Variants in LGR5 observed in about 807,000 individuals in gnomAD.
LGR5 encodes leucine rich repeat containing G protein-coupled receptor 5.
A neutral mutation model predicts 76.7 loss-of-function variants in LGR5; 54 were observed. The ratio of observed to expected loss-of-function variants is 0.70; its 90% CI spans 0.57 to 0.88. LGR5 has a LOEUF of 0.88. Among genes scored for constraint, LGR5 ranks in the 40% least tolerant of loss-of-function variants. The probability of loss-of-function intolerance (pLI) is 0.00; values close to 1 mark genes in which losing one functional copy is unlikely to be tolerated. For missense variants in LGR5, 1,078 were observed against 1,073.3 expected (o/e 1.00, Z -0.06); for synonymous variants, 406 against 421.9 (o/e 0.96, Z 0.46).
intron 1 of LGR5, among the ~76,000 whole-genome samples, chr12:71,490,882 A>G (rs1874038936): frequency 6.6e-6 from 1 of 152,198 alleles, no homozygotes; most frequent in Non-Finnish European, 1.5e-5. Context: ...TTCCCATAGC[A>G]AAGACTTTGA....
At chr12:71,576,846 G>A (rs947739731) in intron 13 of LGR5, among the ~76,000 whole-genome samples, 28 of 152,092 alleles carry the variant, frequency 1.8e-4, no homozygotes, top group East Asian at 5.8e-4. Flanking sequence ...TCAGTGACAC[G>A]TATTTCTTGA....
rs553901693 is a variant in LGR5, at chr12:71,463,777, T to C, written c.212+23485T>C. Among the ~76,000 whole-genome samples the C allele has an allele frequency of 3.0e-4, 46 of 152,218 alleles. No individual in the cohort carries two copies. The South Asian group carries it at 3.3e-3, about 11-fold the overall frequency. On this transcript the variant is annotated intron_variant, in intron 1 of 17. Coordinates refer to ENST00000266674, the MANE Select transcript of LGR5 (RefSeq NM_003667.4). ...AAACAGCTCTCTTGCCTTTATTATT[T>C]ATCTACAGGTTATTGGCATATATTT...
chr12:71,448,617 T>C (rs764919086), intron 1 of LGR5: 8 of 151,654 alleles, frequency 5.3e-5, no homozygotes, highest in Non-Finnish European at 8.8e-5. Context: ...GGTCTTTAAA[T>C]CTATCCGCAC....
At chr12:71,456,915 G>A (rs960546324) in intron 1 of LGR5, among the ~76,000 whole-genome samples, 30 of 152,056 alleles carry the variant, frequency 2.0e-4, no homozygotes, top group Admixed American at 1.2e-3. Context: ...CTTGGGTAAC[G>A]TAACTCCCTC....
At chr12:71,548,261 T>A (rs1302175877) in intron 4 of LGR5, among the ~76,000 whole-genome samples, 1 of 151,458 alleles carries the variant, frequency 6.6e-6, no homozygotes, top group Non-Finnish European at 1.5e-5. Flanking sequence ...GATATTATAA[T>A]CAGTGGTGTA....
At chr12:71,579,803 T>A (rs1420114337) in intron 15 of LGR5, among the ~76,000 whole-genome samples, 3 of 152,216 alleles carry the variant, frequency 2.0e-5, no homozygotes, top group Non-Finnish European at 4.4e-5. Flanking sequence ...TCCCAGTCTC[T>A]ATTAAGCATC....
intron 4 of LGR5, among the ~76,000 whole-genome samples, chr12:71,548,961 T>C (rs762747485): frequency 5.9e-5 from 9 of 152,254 alleles, no homozygotes; most frequent in Non-Finnish European, 1.3e-4. Flanking sequence ...AACCATATTT[T>C]ATATGTGTAT....
At chr12:71,525,543 A>T (rs1034084847) in intron 3 of LGR5, among the ~76,000 whole-genome samples, 13 of 152,008 alleles carry the variant, frequency 8.6e-5, no homozygotes, top group Admixed American at 7.9e-4. Flanking sequence ...CCCCAAAAAA[A>T]TTTGGAACCA....
chr12:71,452,604 A>G (rs11178804), intron 1 of LGR5, among the ~76,000 whole-genome samples: 9,139 of 152,276 alleles, frequency 0.06, 944 homozygotes, highest in African/African-American at 0.21. Context: ...CCAAGACAGA[A>G]GGAAAAAAAT....
chr12:71,537,347 C>CAG (rs1876647507), intron 4 of LGR5, among the ~76,000 whole-genome samples: 1 of 152,004 alleles, frequency 6.6e-6, no homozygotes, highest in African/African-American at 2.4e-5. Context: ...CATGTGCCCG[C>CAG]AGTCCCAGCT....
chr12:71,538,143 G>T (rs966811993), intron 4 of LGR5, among the ~76,000 whole-genome samples: 14 of 152,152 alleles, frequency 9.2e-5, no homozygotes, highest in African/African-American at 3.1e-4. Context: ...TCTACAGCAG[G>T]CCTTCTCAAC....
chr12:71,461,030 A>G (rs1260368508), intron 1 of LGR5, among the ~76,000 whole-genome samples: 2 of 151,788 alleles, frequency 1.3e-5, no homozygotes, highest in Non-Finnish European at 2.9e-5. Flanking sequence ...TTCCTTATCC[A>G]CTCTCCTTGC....
chr12:71,442,591 AG>A (rs1871815238), intron 1 of LGR5, among the ~76,000 whole-genome samples: 2 of 152,226 alleles, frequency 1.3e-5, no homozygotes, highest in Admixed American at 6.5e-5. Flanking sequence ...TCAGTCCTGA[AG>A]TAAATAAGCA....
At position 71,455,898 on chromosome 12, in the gene LGR5, G is replaced by A. The variant is rs192278142; in HGVS notation, c.212+15606G>A. On this transcript the variant is annotated intron_variant, in intron 1 of 17. Coordinates refer to ENST00000266674, the MANE Select transcript of LGR5 (RefSeq NM_003667.4). Reference sequence around the variant, plus strand: ...TATGCTTATGAAAATACTCAATTCTGTATATATAAAAAGATCCTCTAAAAC... The same window carrying A: ...TATGCTTATGAAAATACTCAATTCTATATATATAAAAAGATCCTCTAAAAC... 4.6e-5 allele frequency among the ~76,000 whole-genome samples: 7 copies of A among 152,134 alleles called. No homozygotes were observed. The East Asian group carries it at 1.4e-3, about 29-fold the overall frequency.
intron 4 of LGR5, 137 bp from the exon 5 acceptor site, chr12:71,552,936 T>C: frequency 1.5e-6 from 1 of 662,588 alleles, no homozygotes; most frequent in Non-Finnish European, 2.6e-6. Context: ...AGGAAAATGC[T>C]CCAGATGTCA....
intron 2 of LGR5, among the ~76,000 whole-genome samples, chr12:71,511,277 GGACA>G (rs1417876043): frequency 1.3e-5 from 2 of 152,132 alleles, no homozygotes; most frequent in Admixed American, 6.5e-5. Flanking sequence ...TATTGTCCCT[GGACA>G]GTGGTGCACT....
intron 1 of LGR5, among the ~76,000 whole-genome samples, chr12:71,454,085 A>G (rs1872363184): frequency 6.6e-6 from 1 of 152,160 alleles, no homozygotes; most frequent in Admixed American, 6.5e-5. Context: ...TTCTTGGAGC[A>G]GACAGTCTTT....
At chr12:71,573,015 G>A (rs1230411563) in intron 13 of LGR5, 94 bp downstream of exon 13, 1 of 856,844 alleles carries the variant, frequency 1.2e-6, no homozygotes, top group Non-Finnish European at 1.9e-6. Context: ...GTGTACTATT[G>A]TGGTGGGACT....
At chr12:71,470,765 C>T (rs1244380038) in intron 1 of LGR5, among the ~76,000 whole-genome samples, 1 of 152,194 alleles carries the variant, frequency 6.6e-6, no homozygotes, top group Admixed American at 6.5e-5. Context: ...TACAACAAAC[C>T]ATCTCTGACA....
Sources: allele counts gnomAD v4.1 joint callset (sites outside exome capture counted in the v4.1 genomes callset), GRCh38; gene constraint gnomAD v4.1.1; transcripts MANE v1.5; gene names NCBI Gene and HGNC (gene_info 2026-07-23, HGNC 2026-07-21).